SYN3: variants seen among roughly 807,000 people sequenced by gnomAD.
SYN3 encodes the protein synapsin-3.
A neutral mutation model predicts 65.8 loss-of-function variants in SYN3; 35 were observed. The ratio of observed to expected loss-of-function variants is 0.53; its 90% confidence interval spans 0.41 to 0.70. The LOEUF is 0.70. Among genes scored for constraint, SYN3 ranks in the 30% least tolerant of loss-of-function variants. The probability of loss-of-function intolerance (pLI) is 0.00; values close to 1 mark genes in which losing one functional copy is unlikely to be tolerated. For synonymous variants in SYN3, 270 were observed against 292.9 expected (o/e 0.92, Z 0.80); for missense variants, 680 against 749.0 (o/e 0.91, Z 1.08).
At chr22:32,630,175 G>T (rs913296638) in intron 6 of SYN3, among the ~76,000 whole-genome samples, 16 of 151,728 alleles carry the variant, frequency 1.1e-4, no homozygotes, top group African/African-American at 3.9e-4. Flanking sequence ...GTAGAGACGG[G>T]GTTTCACCAT....
At chr22:32,743,376 C>T (rs945052530) in intron 6 of SYN3, among the ~76,000 whole-genome samples, 3 of 152,168 alleles carry the variant, frequency 2.0e-5, no homozygotes, top group Non-Finnish European at 4.4e-5. Flanking sequence ...TCTGGGCCAT[C>T]CTGGTGCCCC....
intron 6 of SYN3, among the ~76,000 whole-genome samples, chr22:32,639,691 T>C (rs1399238856): frequency 6.6e-6 from 1 of 152,130 alleles, no homozygotes; most frequent in Non-Finnish European, 1.5e-5. Context: ...GGACTATAGG[T>C]GCCACCACAG....
At chr22:32,636,578 A>C (rs1320354534) in intron 6 of SYN3, among the ~76,000 whole-genome samples, 1 of 152,182 alleles carries the variant, frequency 6.6e-6, no homozygotes, top group African/African-American at 2.4e-5. Flanking sequence ...GCAATCAGTG[A>C]GGCTCAGTAA....
chr22:32,992,878 C>G lies in SYN3; in HGVS notation c.312-12176G>C, dbSNP rs1393169988. On this transcript the variant is annotated intron_variant, in intron 2 of 13. Transcript: ENST00000358763. Reference sequence around the variant, plus strand: ...TCCAGTCTAGATATTCTGATTCCATCATTGCAGGGGAACATCTCCGTGTGG... The same window carrying G: ...TCCAGTCTAGATATTCTGATTCCATGATTGCAGGGGAACATCTCCGTGTGG... Among the ~76,000 whole-genome samples, 9 of 152,286 alleles carry G rather than the reference C, an allele frequency of 5.9e-5. No homozygotes were observed. The East Asian group carries it at 1.7e-3, about 29-fold the overall frequency.
rs574847231 is a variant in SYN3 at position 32,709,151 on chromosome 22, G to C, written c.712-112415C>G. ...CCAGCTGTGGCTTTGTTCTGTGCCC[G>C]GGGGAAAATGACCTCTTGCAGGCCC... On this transcript the variant is annotated intron_variant, in intron 6 of 13. Transcript: ENST00000358763. Among the ~76,000 whole-genome samples, 18 of 152,312 alleles carry C rather than the reference G, an allele frequency of 1.2e-4. No individual in the cohort carries two copies. The East Asian group carries it at 2.5e-3, about 21-fold the overall frequency.
At chr22:32,929,008 C>T (rs1388687306) in intron 4 of SYN3, among the ~76,000 whole-genome samples, 3 of 152,048 alleles carry the variant, frequency 2.0e-5, no homozygotes, top group Admixed American at 6.6e-5. Context: ...ATCGGCTGGT[C>T]GCGGTGGCTC....
intron 6 of SYN3, among the ~76,000 whole-genome samples, chr22:32,714,341 TA>T (rs1324144115): frequency 2.6e-5 from 4 of 152,164 alleles, no homozygotes; most frequent in Admixed American, 2.6e-4. Context: ...TCCCTATCTG[TA>T]AAATGGGAGT....
At chr22:32,955,595 G>C (rs5998667) in intron 3 of SYN3, among the ~76,000 whole-genome samples, 7,929 of 152,146 alleles carry the variant, frequency 0.052, 689 homozygotes, top group African/African-American at 0.18. Flanking sequence ...GTGGCATTAA[G>C]TACATTCATG....
At position 32,644,101 on chromosome 22, in the gene SYN3, A is replaced by ATAG. The variant is rs1555914434; in HGVS notation, c.712-47366_712-47365insCTA. 1.7e-4 allele frequency among the ~76,000 whole-genome samples: 12 copies of ATAG among 71,226 alleles called. 5 individuals carry two copies. In the South Asian group the frequency reaches 3.5e-3, roughly 21 times the overall value. 46.7% of individuals were successfully genotyped at this position (71,226 alleles called of 152,430 possible). ...AAAAAAAAAAAAAAAAAAAAAAAAA[A>ATAG]AGCGACAAGACTGACTGATGATGGG... On this transcript the variant is annotated intron_variant, in intron 6 of 13. Transcript: ENST00000358763.
chr22:33,019,823 T>A (rs894945555), intron 1 of SYN3, among the ~76,000 whole-genome samples: 2 of 152,134 alleles, frequency 1.3e-5, no homozygotes, highest in Admixed American at 6.6e-5. Flanking sequence ...TTTCACCATG[T>A]TTCTCAGGCT....
chr22:32,573,904 G>C (rs1601669211), intron 7 of SYN3, among the ~76,000 whole-genome samples: 1 of 151,284 alleles, frequency 6.6e-6, no homozygotes, highest in Non-Finnish European at 1.5e-5. Context: ...CGAGTAGCTG[G>C]GATTACGGGT....
At chr22:32,703,404 C>T (rs1249763012) in intron 6 of SYN3, among the ~76,000 whole-genome samples, 2 of 152,042 alleles carry the variant, frequency 1.3e-5, no homozygotes, top group Non-Finnish European at 2.9e-5. Flanking sequence ...TTTTAGAGGC[C>T]AAGGCTGGCG....
chr22:32,516,223 T>A (rs2057771625), intron 13 of SYN3, among the ~76,000 whole-genome samples: 1 of 152,194 alleles, frequency 6.6e-6, no homozygotes, highest in South Asian at 2.1e-4. Flanking sequence ...CAAATATTTT[T>A]TATTTGCATA....
At chr22:32,586,447 T>A (rs35118742) in intron 7 of SYN3, among the ~76,000 whole-genome samples, 1 of 152,182 alleles carries the variant, frequency 6.6e-6, no homozygotes, top group Non-Finnish European at 1.5e-5. Flanking sequence ...CATGCCTAAA[T>A]GAAACTTATC....
intron 6 of SYN3, among the ~76,000 whole-genome samples, chr22:32,782,394 G>C (rs919313225): frequency 5.3e-5 from 8 of 151,838 alleles, no homozygotes; most frequent in Admixed American, 5.2e-4. Context: ...TAGACATGGG[G>C]CTTCACCATG....
At chr22:33,006,252 A>G in intron 2 of SYN3, 100 bp downstream of exon 2, 1 of 1,372,322 alleles carries the variant, frequency 7.3e-7, no homozygotes, top group South Asian at 1.5e-5. Flanking sequence ...ATAGCACCCA[A>G]GCCTCTCATA....
At chr22:32,985,186 A>G (rs2052487402) in intron 2 of SYN3, among the ~76,000 whole-genome samples, 1 of 152,218 alleles carries the variant, frequency 6.6e-6, no homozygotes, top group South Asian at 2.1e-4. Flanking sequence ...AAATGAAACA[A>G]GGCATACAAA....
At chr22:32,693,069 T>C (rs887913903) in intron 6 of SYN3, among the ~76,000 whole-genome samples, 2 of 151,586 alleles carry the variant, frequency 1.3e-5, no homozygotes, top group African/African-American at 2.4e-5. Context: ...CAGATAGTAC[T>C]GAACCCTATA....
chr22:32,547,462 C>A (rs935590378), intron 7 of SYN3, among the ~76,000 whole-genome samples: 3 of 152,138 alleles, frequency 2.0e-5, no homozygotes, highest in African/African-American at 7.2e-5. Flanking sequence ...TTCTCCTTCT[C>A]ATTTCTTCTT....
Sources: allele counts gnomAD v4.1 joint callset (sites outside exome capture counted in the v4.1 genomes callset), GRCh38; gene constraint gnomAD v4.1.1; transcripts MANE v1.5; gene names NCBI Gene and HGNC (gene_info 2026-07-23, HGNC 2026-07-21).